Variants in RBM4B observed in about 807,000 individuals in gnomAD.
RBM4B encodes RNA-binding protein 4B.
Under a neutral mutation model 28.5 loss-of-function variants are expected in RBM4B, and 13 were observed. That is an observed-to-expected ratio of 0.46 (90% CI 0.30 to 0.72). The LOEUF is 0.72. Ranked by LOEUF, RBM4B falls within the 30% of genes least tolerant of loss-of-function variation. The pLI is 0.09. For synonymous variants in RBM4B, 167 were observed against 179.1 expected, an observed-to-expected ratio of 0.93 and a Z score of 0.54; for missense variants, 387 against 477.6, an observed-to-expected ratio of 0.81 and a Z score of 1.77.
At chr11:66,676,403 CG>C (rs1565097122) in intron 2 of RBM4B, 13 of 569,382 alleles carry the variant, frequency 2.3e-5, no homozygotes, top group East Asian at 2.8e-5. Flanking sequence ...CAACAGCACT[CG>C]AATCAATGCA....
At chr11:66,669,435 G>T (rs77391092) in intron 2 of RBM4B, 144 bp from the exon 3 acceptor site, 4 of 770,118 alleles carry the variant, frequency 5.2e-6, no homozygotes, top group Non-Finnish European at 8.1e-6. Flanking sequence ...CCTTTAAAAA[G>T]TAGTTGAAGT....
At position 66,676,709 on chromosome 11, in the gene RBM4B, G is replaced by A. The variant is rs1939648699; in HGVS notation, c.371C>T (p.Ala124Val). Residue 124 changes from alanine (A) to valine (V), a missense_variant, in exon 2 of 4, where the codon GCA (alanine) becomes GTA (valine). Transcript: ENST00000310046. ...GTCAAGGCCCCTGATGGCCTCCACT[G>A]CATCCTCTGCCCGCTCCATGTGTAC... is the stretch of plus-strand genomic sequence containing the variant. ...AFVHMERAED[A>V]VEAIRGLDNT... is the part of the protein sequence containing the mutation. 1 of 1,613,870 alleles carries A rather than the reference G, an allele frequency of 6.2e-7. No homozygotes were observed. The highest frequency in any genetic ancestry group is 1.7e-5 in the Admixed American group (1 of 59,982).
Position 66,665,512 on chromosome 11 carries a change from G to A in RBM4B, c.*76C>T. On this transcript the variant is annotated 3_prime_UTR_variant, in exon 4 of 4. Coordinates refer to ENST00000310046, the MANE Select transcript of RBM4B (RefSeq NM_031492.4). ...GAAGCAATGGAAACATCCCGGCAAAGGGGACCGCGCGGAGCAAGTTCTCAT... is the reference window on the plus strand; with the variant it reads ...GAAGCAATGGAAACATCCCGGCAAAAGGGACCGCGCGGAGCAAGTTCTCAT... 1 of 1,259,692 alleles carries A rather than the reference G, an allele frequency of 7.9e-7. No individual in the cohort carries two copies. The highest frequency in any genetic ancestry group is 1.1e-6 in the Non-Finnish European group (1 of 894,986). The allele number at this position is 1,259,692 out of a possible 1,614,324, so 78.0% of individuals were successfully genotyped here.
Position 66,677,769 on chromosome 11 carries a change from G to C in RBM4B, c.-18C>G, listed in dbSNP as rs577368483. On this transcript the variant is annotated 5_prime_UTR_variant, in exon 1 of 4. Transcript: ENST00000310046. ...CACACACGACCCCCTCGCACCTCCG[G>C]GTGGCGGCAGCGACGGCGGCTCCCA... 1.6e-4 allele frequency: 25 copies of C among 152,834 alleles called. No homozygotes were observed. Among genetic ancestry groups the C allele is most frequent in the African/African-American group, 5.8e-4 (24 of 41,588 alleles). The allele number at this position is 152,834 out of a possible 1,614,324, so 9.5% of individuals were successfully genotyped here.
intron 2 of RBM4B, among the ~76,000 whole-genome samples, chr11:66,671,354 T>C (rs1170573981): frequency 1.3e-5 from 2 of 152,196 alleles, no homozygotes; most frequent in East Asian, 3.8e-4. Context: ...AATTTATATC[T>C]CAAATGCATA....
chr11:66,665,710 G>C (rs1590877710), intron 3 of RBM4B, 132 bp from the exon 4 acceptor site: 57 of 1,439,172 alleles, frequency 4.0e-5, no homozygotes, highest in Non-Finnish European at 5.0e-5. Context: ...AGTCAGACTG[G>C]ATCTAACTCA....
Position 66,677,849 on chromosome 11 carries a change from G to C in RBM4B, c.-98C>G, listed in dbSNP as rs967191050. ...GGCCGCTCGAGCCTGGACGCGACCGGGCCCTTTCTCGCGCGCCAGCTCACG... is the reference window on the plus strand; with the variant it reads ...GGCCGCTCGAGCCTGGACGCGACCGCGCCCTTTCTCGCGCGCCAGCTCACG... On this transcript the variant is annotated 5_prime_UTR_variant, in exon 1 of 4. Transcript: ENST00000310046. The C allele has an allele frequency of 1.3e-5, 2 of 152,814 alleles. No homozygotes were observed. Among genetic ancestry groups the C allele is most frequent in the Middle Eastern group, 3.4e-3 (1 of 296 alleles). 9.5% of individuals were successfully genotyped at this position (152,814 alleles called of 1,614,324 possible).
At chr11:66,672,915 T>C (rs1007677412) in intron 2 of RBM4B, among the ~76,000 whole-genome samples, 4 of 152,216 alleles carry the variant, frequency 2.6e-5, no homozygotes, top group African/African-American at 9.7e-5. Context: ...TCTTCTACTC[T>C]ACTACACTTG....
intron 3 of RBM4B, 163 bp downstream of exon 3, chr11:66,668,452 G>T: frequency 1.7e-6 from 1 of 591,568 alleles, no homozygotes; most frequent in Non-Finnish European, 3.0e-6. Flanking sequence ...AGGCCAAATG[G>T]AACTTGTGGC....
chr11:66,669,210 C>T lies in RBM4B; in HGVS notation c.494G>A (p.Cys165Tyr). The T allele has an allele frequency of 1.9e-6, 3 of 1,614,226 alleles. No individual in the cohort carries two copies. Among genetic ancestry groups the T allele is most frequent in the Non-Finnish European group, 2.5e-6 (3 of 1,180,048 alleles). ...TTTGGACCAGTGCCCTTCTTTCCCA[C>T]ACCGATAGCAGCCACTCTGGTCTCC... ...GMGDQSGCYR[C>Y]GKEGHWSKEC... is the part of the protein sequence containing the mutation. The change falls in exon 3 of 4, where the codon TGT becomes TAT. Residue 165 changes from cysteine (C) to tyrosine (Y), a missense_variant. This residue lies in a region of RBM4B where 161 missense variants were observed against 256.9 expected (regional missense o/e 0.63). Transcript: ENST00000310046.
intron 2 of RBM4B, among the ~76,000 whole-genome samples, chr11:66,674,946 T>G (rs1939595101): frequency 6.6e-6 from 1 of 152,226 alleles, no homozygotes; most frequent in South Asian, 2.1e-4. Context: ...TACCCAACTT[T>G]ACATTCTTTT....
Position 66,668,968 on chromosome 11 carries a change from G to A in RBM4B, c.736C>T (p.Gln246Ter). ...AAASAYNYAE[Q>*]TMSHLPQVQS... ...ACTTGAGGCAGATGGGACATGGTCT[G>A]CTCTGCGTAGTTGTATGCAGAAGCC... The change falls in exon 3 of 4, where the codon CAG becomes TAG. Residue 246 changes from glutamine to a stop codon, truncating the protein, a stop_gained. Coordinates refer to ENST00000310046, the MANE Select transcript of RBM4B (RefSeq NM_031492.4). LOFTEE classifies it high-confidence loss of function. The A allele has an allele frequency of 6.2e-7, 1 of 1,614,176 alleles. No individual in the cohort carries two copies. The highest frequency in any genetic ancestry group is 8.5e-7 in the Non-Finnish European group (1 of 1,180,002).
intron 2 of RBM4B, among the ~76,000 whole-genome samples, chr11:66,670,039 G>T (rs1048540358): frequency 6.6e-6 from 1 of 152,204 alleles, no homozygotes; most frequent in Non-Finnish European, 1.5e-5. Context: ...AAGGATTAAG[G>T]CCTGAGTATT....
chr11:66,669,412 A>G (rs1189568933), intron 2 of RBM4B, 121 bp from the exon 3 acceptor site: 4 of 910,724 alleles, frequency 4.4e-6, no homozygotes, highest in Non-Finnish European at 4.9e-6. Context: ...CTGTGACCCT[A>G]TTTCAGCAAC....
At chr11:66,674,233 T>C (rs1939566675) in intron 2 of RBM4B, among the ~76,000 whole-genome samples, 2 of 150,810 alleles carry the variant, frequency 1.3e-5, no homozygotes, top group Admixed American at 6.6e-5. Flanking sequence ...TTCTTTCTTT[T>C]TTTTTTTTGA....
chr11:66,666,104 T>C, intron 3 of RBM4B: 2 of 830,014 alleles, frequency 2.4e-6, no homozygotes, highest in Non-Finnish European at 3.6e-6. Flanking sequence ...CCAACACACC[T>C]ACATGTCACA....
chr11:66,669,311 G>A lies in RBM4B; in HGVS notation c.413-20C>T, dbSNP rs541735212. 5.0e-6 allele frequency: 8 copies of A among 1,601,552 alleles called. No individual in the cohort carries two copies. In the South Asian group the frequency reaches 8.8e-5, roughly 18 times the overall value. On this transcript the variant is annotated intron_variant, in intron 2 of 3. Transcript: ENST00000310046. ...TTTTGCCTTGAGGGAACAGATGTAA[G>A]AAGATTTATTTTAACTCACTTGACA...
chr11:66,671,091 G>A, intron 2 of RBM4B: 1 of 695,014 alleles, frequency 1.4e-6, no homozygotes, highest in South Asian at 1.5e-5. Flanking sequence ...AATTCCTTCT[G>A]CCCAATGTCA....
At chr11:66,665,670 G>C (rs1939199013) in intron 3 of RBM4B, 92 bp from the exon 4 acceptor site, 2 of 1,496,664 alleles carry the variant, frequency 1.3e-6, no homozygotes, top group South Asian at 2.5e-5. Context: ...CCTGTATTCC[G>C]GGGGGAAAAA....
Sources: gnomAD v4.1 joint callset for allele counts (sites outside exome capture counted in the v4.1 genomes callset) on GRCh38, gnomAD v4.1.1 for gene constraint, gnomAD v4.1.1 regional missense constraint, MANE v1.5 for transcripts, NCBI Gene and HGNC (gene_info 2026-07-23, HGNC 2026-07-21) for gene names.